Variants in COL16A1 observed in about 807,000 individuals in gnomAD.
COL16A1 encodes the protein collagen type XVI alpha 1 chain, also known as collagen alpha-1(XVI) chain.
Under a neutral mutation model 266.3 loss-of-function variants are expected in COL16A1, and 189 were observed. That is an observed-to-expected ratio of 0.71 (90% CI 0.63 to 0.80). COL16A1 has a LOEUF of 0.80. COL16A1 is among the 30% of genes least tolerant of loss of function. COL16A1 has a pLI of 0.00. For synonymous variants in COL16A1, 740 were observed against 782.3 expected, an observed-to-expected ratio of 0.95 and a Z score of 0.90; for missense variants, 1,928 against 2,122.4, an observed-to-expected ratio of 0.91 and a Z score of 1.80.
rs373396181 is a variant in COL16A1, at chr1:31,672,411, C to T, written c.3105+5G>A. 4.3e-6 allele frequency: 7 copies of T among 1,614,086 alleles called. No homozygotes were observed. The African/African-American group carries it at 8.0e-5, about 18-fold the overall frequency. ...TTGAGGATGAATCCCCATCCCTGGT[C>T]TTACCTCTTCTCCTCTCTGGCCTGG... On this transcript the variant is annotated splice_donor_5th_base_variant and intron_variant, in intron 47 of 70. Transcript: ENST00000373672.
intron 1 of COL16A1, 139 bp from the exon 2 acceptor site, chr1:31,702,366 C>A: frequency 2.5e-6 from 2 of 796,300 alleles, no homozygotes; most frequent in Non-Finnish European, 4.1e-6. Flanking sequence ...ATCAGTCTCT[C>A]TCAGAGGCCC....
chr1:31,688,201 T>C lies in COL16A1; in HGVS notation c.1803+266A>G, dbSNP rs1570539824. Among the ~76,000 whole-genome samples the C allele has an allele frequency of 1.3e-5, 2 of 152,314 alleles. No individual in the cohort carries two copies. The highest frequency in any genetic ancestry group is 1.3e-4 in the Admixed American group (2 of 15,298). Reference sequence around the variant, plus strand: ...TAAGCAATAAAGAAGTGTTACATATTATAAATATAATAAGGTAATCTTGAA... The same window carrying C: ...TAAGCAATAAAGAAGTGTTACATATCATAAATATAATAAGGTAATCTTGAA... On this transcript the variant is annotated intron_variant, in intron 26 of 70. Coordinates refer to ENST00000373672, the MANE Select transcript of COL16A1 (RefSeq NM_001856.4). The surrounding 1 kb of genome is among the most constrained non-coding windows in gnomAD (Gnocchi z 4.9).
At chr1:31,654,955 G>A in intron 67 of COL16A1, 97 bp from the exon 68 acceptor site, 2 of 1,237,058 alleles carry the variant, frequency 1.6e-6, no homozygotes, top group Non-Finnish European at 2.2e-6. Flanking sequence ...AAGGTCCCAG[G>A]AGCCTCCCAC....
At chr1:31,667,460 G>A in intron 52 of COL16A1, 115 bp downstream of exon 52, 1 of 827,926 alleles carries the variant, frequency 1.2e-6, no homozygotes, top group Non-Finnish European at 1.9e-6. Context: ...CTTGGGGGCA[G>A]GGGGGCAGCA....
chr1:31,687,788 C>A (rs1387480880), intron 26 of COL16A1, among the ~76,000 whole-genome samples: 1 of 152,144 alleles, frequency 6.6e-6, no homozygotes, highest in Non-Finnish European at 1.5e-5. Flanking sequence ...TGTGGGCTTC[C>A]CCTGTTAGGG....
Position 31,693,093 on chromosome 1 carries a change from C to G in COL16A1, c.1070G>C (p.Arg357Pro). 1.2e-6 allele frequency: 2 copies of G among 1,603,776 alleles called. No individual in the cohort carries two copies. The highest frequency in any genetic ancestry group is 1.7e-6 in the Non-Finnish European group (2 of 1,171,114). ...CACGGGCAGGGCTGGGACACTTACC[C>G]GTGCTCCCTTCTCTCCCTTGGAGCC... ...PPGSKGEKGARGNDCVRISPD... is the reference protein window; with the variant it reads ...PPGSKGEKGAPGNDCVRISPD... Residue 357 changes from arginine (R) to proline (P), a missense_variant and splice_region_variant, in exon 13 of 71, where the codon CGG (arginine) becomes CCG (proline). Physicochemically the swap from Arg to Pro is moderately radical, Grantham distance 103. This residue lies in a region of COL16A1 where 1,552 missense variants were observed against 1,637.2 expected (regional missense o/e 0.95). Transcript: ENST00000373672.
At chr1:31,675,206 C>T (rs1643081242) in intron 43 of COL16A1, 52 bp downstream of exon 43, 3 of 1,613,820 alleles carry the variant, frequency 1.9e-6, no homozygotes, top group Non-Finnish European at 2.5e-6. Context: ...CCTGAGCAGC[C>T]CTGGGAAGGG....
At position 31,656,922 on chromosome 1, in the gene COL16A1, G is replaced by A. The variant is rs1641214528; in HGVS notation, c.4056+111C>T. On this transcript the variant is annotated intron_variant, in intron 65 of 70. Coordinates refer to ENST00000373672, the MANE Select transcript of COL16A1 (RefSeq NM_001856.4). This position sits in a 1 kb window ranked among gnomAD's most constrained non-coding sequence, Gnocchi z 4.2. ...GACAACAGGGTTAACAATTTCCAGA[G>A]ACAGCCCGTACATAGAAGGAATGTT... The A allele has an allele frequency of 6.8e-7, 1 of 1,466,802 alleles. No homozygotes were observed. Among genetic ancestry groups the A allele is most frequent in the East Asian group, 2.3e-5 (1 of 43,716 alleles). 90.9% of individuals were successfully genotyped at this position (1,466,802 alleles called of 1,614,324 possible). A position where few individuals can be genotyped will look rare whatever the true frequency, so the allele number is the denominator to read the frequency against.
intron 67 of COL16A1, 110 bp from the exon 68 acceptor site, chr1:31,654,968 ATTCTTTTTT>A: frequency 2.3e-6 from 1 of 435,968 alleles, no homozygotes; most frequent in Non-Finnish European, 3.4e-6. Flanking sequence ...CCTCCCACAG[ATTCTTTTTT>A]TTTTTTTTTT....
In COL16A1 at chr1:31,663,707, T is replaced by G. The variant is rs1469531994; in HGVS notation, c.3556-1049A>C. On this transcript the variant is annotated intron_variant, in intron 56 of 70. Coordinates refer to ENST00000373672, the MANE Select transcript of COL16A1 (RefSeq NM_001856.4). The surrounding 1 kb of genome is among the most constrained non-coding windows in gnomAD (Gnocchi z 4.9). ...TTTTATAGATTGAGGTTTTTACATT[T>G]GCTTTTATGTGATAAAAAGACTCTG... Among the ~76,000 whole-genome samples the G allele has an allele frequency of 6.6e-6, 1 of 152,344 alleles. No homozygotes were observed. Among genetic ancestry groups the G allele is most frequent in the East Asian group, 1.9e-4 (1 of 5,192 alleles).
chr1:31,696,551 C>T (rs1032125924), intron 8 of COL16A1, among the ~76,000 whole-genome samples: 2 of 152,202 alleles, frequency 1.3e-5, no homozygotes, highest in Non-Finnish European at 2.9e-5. Context: ...TGGCCCTGGC[C>T]GGCGCTGGGC....
In COL16A1 at chr1:31,653,601, G is replaced by A; in HGVS notation, c.4610C>T (p.Pro1537Leu). 5.0e-6 allele frequency: 8 copies of A among 1,613,124 alleles called. No individual in the cohort carries two copies. Among genetic ancestry groups the A allele is most frequent in the Non-Finnish European group, 6.8e-6 (8 of 1,179,436 alleles). The stretch of plus-strand genomic sequence containing the variant: ...TCTCAAATGGTGGTATTTCCTACCT[G>A]GGGGGCCGGGAAGACCATTTTCTCC... ...IAGENGLPGP[P>L]GPQGPPGYGK... The change falls in exon 70 of 71, where the codon CCA (proline) becomes CTA (leucine). Residue 1537 changes from proline (P) to leucine (L), a missense_variant and splice_region_variant. This residue lies in a region of COL16A1 where 376 missense variants were observed against 485.2 expected (regional missense o/e 0.77). Coordinates refer to ENST00000373672, the MANE Select transcript of COL16A1 (RefSeq NM_001856.4).
rs2271928 is a variant in COL16A1 at position 31,662,352 on chromosome 1, G to A, written c.3663C>T (p.Asp1221=). Reference sequence around the variant, plus strand: ...ATCTCACCCTCAAGCCAGGCTTGCCGTCCTTCCCATCCAAACCATCCAGAC... The same window carrying A: ...ATCTCACCCTCAAGCCAGGCTTGCCATCCTTCCCATCCAAACCATCCAGAC... ...PAGLDGLDGK[D]GKPGLRGDPG... The change falls in exon 58 of 71, where the codon GAC becomes GAT. Residue 1221 remains aspartate (D), a synonymous_variant. Transcript: ENST00000373672. 672,198 of 1,530,856 alleles carry A rather than the reference G, an allele frequency of 0.44. 142,717 individuals carry two copies. The highest frequency in any genetic ancestry group is 0.69 in the East Asian group (29,134 of 42,186). The allele number at this position is 1,530,856 out of a possible 1,614,324, so 94.8% of individuals were successfully genotyped here.
chr1:31,694,157 G>A lies in COL16A1; in HGVS notation c.995C>T (p.Pro332Leu). The change falls in exon 12 of 71, where the codon CCC (proline) becomes CTC (leucine). Residue 332 changes from proline to leucine, a missense_variant. Pro to Leu is a moderately conservative substitution (Grantham distance 98, BLOSUM62 -3). This residue lies in a region of COL16A1 where 1,552 missense variants were observed against 1,637.2 expected (regional missense o/e 0.95). Coordinates refer to ENST00000373672, the MANE Select transcript of COL16A1 (RefSeq NM_001856.4). ...GARDSNVTLA[P>L]SGPKGGKGER... ...ATTAGGACTCACCTTGGGGCCAGAG[G>A]GAGCAAGTGTGACCTGAGGGGACAG... 1 of 1,597,926 alleles carries A rather than the reference G, an allele frequency of 6.3e-7. No homozygotes were observed. Among genetic ancestry groups the A allele is most frequent in the Non-Finnish European group, 8.6e-7 (1 of 1,169,240 alleles).
chr1:31,669,624 C>T (rs1456714764), intron 49 of COL16A1, among the ~76,000 whole-genome samples: 3 of 151,924 alleles, frequency 2.0e-5, no homozygotes, highest in African/African-American at 4.8e-5. Flanking sequence ...AGACAAGGCC[C>T]GGCCACAGAT....
intron 39 of COL16A1, among the ~76,000 whole-genome samples, chr1:31,680,451 C>T (rs2148752202): frequency 6.6e-6 from 1 of 152,286 alleles, no homozygotes; most frequent in Non-Finnish European, 1.5e-5. Context: ...GCTTTCAGTA[C>T]AACTGCAGCC....
At position 31,656,076 on chromosome 1, in the gene COL16A1, T is replaced by C. The variant is rs866285047; in HGVS notation, c.4101+324A>G. 7.2e-6 allele frequency: 3 copies of C among 419,102 alleles called. No individual in the cohort carries two copies. The highest frequency in any genetic ancestry group is 4.1e-5 in the African/African-American group (2 of 48,568). The allele number at this position is 419,102 out of a possible 1,614,324, so 26.0% of individuals were successfully genotyped here. On this transcript the variant is annotated intron_variant, in intron 66 of 70. Coordinates refer to ENST00000373672, the MANE Select transcript of COL16A1 (RefSeq NM_001856.4). This position sits in a 1 kb window ranked among gnomAD's most constrained non-coding sequence, Gnocchi z 4.2. ...GTGACTGGTCTATTGTGAGCACCTATTGTTCAGGGACCTCTGTTTACCTGA... is the reference window on the plus strand; with the variant it reads ...GTGACTGGTCTATTGTGAGCACCTACTGTTCAGGGACCTCTGTTTACCTGA...
rs750909421 is a variant in COL16A1, at chr1:31,684,152, T to C, written c.2240A>G (p.Lys747Arg). The C allele has an allele frequency of 3.2e-6, 5 of 1,551,290 alleles. No homozygotes were observed. Among genetic ancestry groups the C allele is most frequent in the African/African-American group, 2.7e-5 (2 of 73,368 alleles). Residue 747 changes from lysine (K) to arginine (R), a missense_variant, in exon 32 of 71, where the codon AAA (lysine) becomes AGA (arginine). Lys to Arg is a conservative substitution (Grantham distance 26). This residue lies in a region of COL16A1 where 1,552 missense variants were observed against 1,637.2 expected (regional missense o/e 0.95). Coordinates refer to ENST00000373672, the MANE Select transcript of COL16A1 (RefSeq NM_001856.4). ...MAGRPGQPGP[K>R]GEQGPEGVGR... Reference sequence around the variant, plus strand: ...CACGCCTTCGGGGCCCTGCTCTCCTTTGGGGCCGGGCTGCCCAGGCCGTCC... The same window carrying C: ...CACGCCTTCGGGGCCCTGCTCTCCTCTGGGGCCGGGCTGCCCAGGCCGTCC...
In COL16A1 at chr1:31,683,440, G is replaced by A. The variant is rs1231383288; in HGVS notation, c.2380-71C>T. 31 of 1,610,934 alleles carry A rather than the reference G, an allele frequency of 1.9e-5. 1 individual carries two copies. The highest frequency in any genetic ancestry group is 3.3e-4 in the Middle Eastern group (2 of 6,024). The stretch of plus-strand genomic sequence containing the variant: ...CCTGCCCCACTGGCCCTGCCGCACC[G>A]GCAGACCTGGTCTGGGTGGGGTATC... On this transcript the variant is annotated intron_variant, in intron 34 of 70. Transcript: ENST00000373672.
Sources: gnomAD v4.1 joint callset for allele counts (sites outside exome capture counted in the v4.1 genomes callset) on GRCh38, gnomAD v4.1.1 for gene constraint, gnomAD v4.1.1 regional missense constraint, Gnocchi (gnomAD v3.1) non-coding constraint, MANE v1.5 for transcripts, NCBI Gene and HGNC (gene_info 2026-07-23, HGNC 2026-07-21) for gene names.